CCDC171: variants seen among roughly 807,000 people sequenced by gnomAD.
CCDC171 encodes the protein coiled-coil domain containing 171, also known as coiled-coil domain-containing protein 171.
A neutral mutation model predicts 168.2 loss-of-function variants in CCDC171; 177 were observed. The ratio of observed to expected loss-of-function variants is 1.05; its 90% CI spans 0.93 to 1.19. CCDC171 has a LOEUF of 1.19. CCDC171 is among the 50% of genes most tolerant of loss of function. CCDC171 has a pLI of 0.00. For missense variants in CCDC171, 1,991 were observed against 1,539.0 expected, an observed-to-expected ratio of 1.29 and a Z score of -4.91; for synonymous variants, 687 against 540.8, an observed-to-expected ratio of 1.27 and a Z score of -3.75.
At chr9:15,961,257 A>C (rs1049563722) in intron 25 of CCDC171, among the ~76,000 whole-genome samples, 1 of 152,164 alleles carries the variant, frequency 6.6e-6, no homozygotes, top group Non-Finnish European at 1.5e-5. Flanking sequence ...GATTATTACT[A>C]AATTTTTGAC....
chr9:15,559,898 C>A (rs1267791314), intron 1 of CCDC171, among the ~76,000 whole-genome samples: 1 of 152,060 alleles, frequency 6.6e-6, no homozygotes, highest in Non-Finnish European at 1.5e-5. Flanking sequence ...TTTAGTGCTT[C>A]CTTCAGGAGC....
At chr9:15,596,060 G>T (rs2042324648) in intron 6 of CCDC171, among the ~76,000 whole-genome samples, 3 of 152,100 alleles carry the variant, frequency 2.0e-5, no homozygotes, top group Admixed American at 6.6e-5. Flanking sequence ...TGTCAGATGA[G>T]TAGATTGCAA....
At chr9:15,678,156 C>T (rs1367474423) in intron 9 of CCDC171, among the ~76,000 whole-genome samples, 1 of 151,460 alleles carries the variant, frequency 6.6e-6, no homozygotes, top group Non-Finnish European at 1.5e-5. Context: ...AATGATCTTC[C>T]TGCTATGGAC....
chr9:15,771,007 T>C (rs4741540), intron 18 of CCDC171, among the ~76,000 whole-genome samples: 143,228 of 152,256 alleles, frequency 0.94, 67,435 homozygotes, highest in East Asian at 1. Flanking sequence ...TAATGAATAT[T>C]TTTTAATATC....
chr9:15,693,598 T>C (rs1349063855), intron 10 of CCDC171, among the ~76,000 whole-genome samples: 1 of 152,168 alleles, frequency 6.6e-6, no homozygotes, highest in Non-Finnish European at 1.5e-5. Flanking sequence ...ATGAATGTGA[T>C]AGAGAGTTGA....
intron 24 of CCDC171, among the ~76,000 whole-genome samples, chr9:15,917,770 C>A (rs182520368): frequency 1.3e-5 from 2 of 151,594 alleles, no homozygotes; most frequent in Admixed American, 1.3e-4. Flanking sequence ...AAGGTCAATT[C>A]TCTTGTGACT....
At chr9:16,091,358 C>G in the CCDC171 span, among the ~76,000 whole-genome samples, 1 of 152,198 alleles carries the variant, frequency 6.6e-6, no homozygotes, top group Non-Finnish European at 1.5e-5. Context: ...AGAAAATTTG[C>G]AAGATGAGAC....
chr9:15,805,909 C>T (rs956496313), intron 21 of CCDC171, among the ~76,000 whole-genome samples: 1 of 152,106 alleles, frequency 6.6e-6, no homozygotes, highest in Non-Finnish European at 1.5e-5. Flanking sequence ...TTGAAGGTCT[C>T]TAAGAATGTG....
intron 6 of CCDC171, among the ~76,000 whole-genome samples, chr9:16,025,636 C>A (rs1484821476): frequency 6.6e-6 from 1 of 152,032 alleles, no homozygotes; most frequent in Non-Finnish European, 1.5e-5. Context: ...CTGAAACATG[C>A]AATAACATAG....
At chr9:16,031,888 G>A (rs943788) in intron 6 of CCDC171, among the ~76,000 whole-genome samples, 56,339 of 152,034 alleles carry the variant, frequency 0.37, 12,282 homozygotes, top group East Asian at 0.63. Context: ...CCAGGATCCA[G>A]CTGTACAGGC....
chr9:15,662,113 C>G (rs921037137), intron 8 of CCDC171, among the ~76,000 whole-genome samples: 10 of 152,122 alleles, frequency 6.6e-5, no homozygotes, highest in African/African-American at 2.2e-4. Context: ...CCCGTCTCTG[C>G]TAAAAATACA....
At position 15,971,664 on chromosome 9, in the gene CCDC171, C is replaced by G; in HGVS notation, c.3809C>G (p.Ala1270Gly). The part of the protein sequence containing the change: ...LSIPSRAPLP[A>G]DTTGIGDFLP... ...ATTCCTTCAAGAGCTCCTCTTCCTG[C>G]TGACACAACTGGTATTGGGGATTTC... is the stretch of plus-strand genomic sequence containing the variant. Residue 1270 changes from alanine to glycine, a missense_variant, in exon 26 of 26, where the codon GCT (alanine) becomes GGT (glycine). Ala to Gly is a moderately conservative substitution (Grantham distance 60). Transcript: ENST00000380701. 1 of 1,613,860 alleles carries G rather than the reference C, an allele frequency of 6.2e-7. No individual in the cohort carries two copies. The highest frequency in any genetic ancestry group is 8.5e-7 in the Non-Finnish European group (1 of 1,179,862).
intron 25 of CCDC171, among the ~76,000 whole-genome samples, chr9:15,958,711 G>A (rs1830057668): frequency 6.6e-6 from 1 of 151,898 alleles, no homozygotes; most frequent in Non-Finnish European, 1.5e-5. Context: ...GAGAAAGCAG[G>A]GCATGCTTCA....
At chr9:15,672,401 G>C (rs1474851341) in intron 9 of CCDC171, among the ~76,000 whole-genome samples, 5 of 152,104 alleles carry the variant, frequency 3.3e-5, no homozygotes, top group African/African-American at 1.2e-4. Flanking sequence ...ATTGCTTTTG[G>C]TGTTTTAGTC....
chr9:16,071,588 C>T, the CCDC171 span, among the ~76,000 whole-genome samples: 1 of 152,368 alleles, frequency 6.6e-6, no homozygotes, highest in South Asian at 2.1e-4. Context: ...GCGTCATGCA[C>T]AAGCACACGA....
intron 4 of CCDC171, among the ~76,000 whole-genome samples, chr9:15,583,442 T>C (rs2041298802): frequency 1.3e-5 from 2 of 149,614 alleles, no homozygotes; most frequent in East Asian, 2.0e-4. Flanking sequence ...GTGCTATATA[T>C]ACAGCAAGGA....
chr9:15,905,064 A>G (rs966479478), intron 24 of CCDC171, among the ~76,000 whole-genome samples: 2 of 152,182 alleles, frequency 1.3e-5, no homozygotes, highest in Non-Finnish European at 2.9e-5. Context: ...CTCCCACACA[A>G]TAATAATGGG....
At chr9:15,631,090 C>T (rs1453553477) in intron 7 of CCDC171, among the ~76,000 whole-genome samples, 10 of 151,816 alleles carry the variant, frequency 6.6e-5, no homozygotes, top group African/African-American at 2.2e-4. Context: ...AAATTGACAC[C>T]CTAACATCAC....
chr9:15,777,736 A>G lies in CCDC171; in HGVS notation c.2808A>G (p.Lys936=). ...GCAGGAGTATTACATATGTAGAAAA[A>G]GATTCCCTGGTTCAGAGGCTGGCCC... ...HSSRSITYVE[K]DSLVQRLAHG... Residue 936 remains lysine (K), a synonymous_variant, in exon 19 of 26, where the codon AAA becomes AAG. Transcript: ENST00000380701. The G allele has an allele frequency of 1.9e-6, 3 of 1,614,014 alleles. No homozygotes were observed. Among genetic ancestry groups the G allele is most frequent in the Non-Finnish European group, 2.5e-6 (3 of 1,179,972 alleles).
Sources: gnomAD v4.1 joint callset for allele counts (sites outside exome capture counted in the v4.1 genomes callset) on GRCh38, gnomAD v4.1.1 for gene constraint, MANE v1.5 for transcripts, NCBI Gene and HGNC (gene_info 2026-07-23, HGNC 2026-07-21) for gene names.